Variants in CERS1 observed in about 807,000 individuals in gnomAD.
CERS1 encodes Embryonic growth/differentiation factor 1.
Under a neutral mutation model 35.7 loss-of-function variants are expected in CERS1, and 16 were observed. That is an observed-to-expected ratio of 0.45 (90% CI 0.30 to 0.68). The LOEUF (loss-of-function observed/expected upper bound fraction) is 0.68, where lower values mean the gene tolerates loss of function less well. Ranked by LOEUF, CERS1 falls within the 30% of genes least tolerant of loss-of-function variation. The probability of loss-of-function intolerance (pLI) is 0.08; values close to 1 mark genes in which losing one functional copy is unlikely to be tolerated. For synonymous variants in CERS1, 243 were observed against 201.6 expected (o/e 1.21, Z -1.74); for missense variants, 454 against 453.9 (o/e 1.00, Z 0.00).
In CERS1 at chr19:18,895,982, G is replaced by C. The variant is rs766057833; in HGVS notation, c.91C>G (p.Leu31Val). 3.8e-6 allele frequency: 4 copies of C among 1,048,130 alleles called. No homozygotes were observed. Among genetic ancestry groups the C allele is most frequent in the South Asian group, 3.5e-5 (1 of 28,968 alleles). The allele number at this position is 1,048,130 out of a possible 1,614,324, so 64.9% of individuals were successfully genotyped here. Reference protein sequence around the residue: ...QLVQRGWGSALAAARGCTDCG... With the variant: ...QLVQRGWGSAVAAARGCTDCG... ...TCCGTGCAGCCCCGCGCCGCCGCCA[G>C]CGCGCTGCCCCAGCCGCGCTGCACT... The change falls in exon 1 of 8, where the codon CTG (leucine) becomes GTG (valine). Residue 31 changes from leucine (L) to valine (V), a missense_variant. By Grantham distance (32) the Leu-to-Val change is conservative. Transcript: ENST00000623882. The surrounding 1 kb of genome is among the most constrained non-coding windows in gnomAD (Gnocchi z 6.4).
intron 6 of CERS1, among the ~76,000 whole-genome samples, chr19:18,872,194 C>A (rs1049841499): frequency 1.3e-5 from 2 of 152,244 alleles, no homozygotes; most frequent in African/African-American, 4.8e-5. Context: ...GGCTTTTTAT[C>A]AGAGCTTTCC....
chr19:18,869,615 G>T (rs1346877527), intron 7 of CERS1, among the ~76,000 whole-genome samples: 1 of 150,160 alleles, frequency 6.7e-6, no homozygotes, highest in African/African-American at 2.5e-5. Flanking sequence ...TCGGCGGGGG[G>T]CATAGGAGGA....
At chr19:18,871,315 C>T (rs2055966668) in intron 6 of CERS1, among the ~76,000 whole-genome samples, 1 of 151,506 alleles carries the variant, frequency 6.6e-6, no homozygotes, top group Non-Finnish European at 1.5e-5. Context: ...GAACCTCTGC[C>T]TCCTGAGTTC....
intron 2 of CERS1, among the ~76,000 whole-genome samples, chr19:18,891,267 C>G (rs2056484067): frequency 6.6e-6 from 1 of 152,236 alleles, no homozygotes; most frequent in Admixed American, 6.5e-5. Flanking sequence ...CCACTGTACA[C>G]TCTGGGCTCC....
Position 18,870,020 on chromosome 19 carries a change from C to G in CERS1, c.*557G>C, listed in dbSNP as rs1231850531. On this transcript the variant is annotated 3_prime_UTR_variant, in exon 7 of 8. Transcript: ENST00000623882. The surrounding 1 kb of genome is among the most constrained non-coding windows in gnomAD (Gnocchi z 5.1). ...TGTGGCGCACGATGTTTCCGGCGAC[C>G]CCCAGCTCCTCCACGTGGCACGGTT... 1.3e-6 allele frequency: 2 copies of G among 1,597,484 alleles called. No homozygotes were observed. Among genetic ancestry groups the G allele is most frequent in the African/African-American group, 2.7e-5 (2 of 74,756 alleles).
Position 18,870,780 on chromosome 19 carries a change from C to T in CERS1, c.1011-161G>A, listed in dbSNP as rs1349025232. ...TCCTCCTCGCCTTCACCCTGCCCCT[C>T]CTTGCCTTCACCCTGCCCCTCCTTC... On this transcript the variant is annotated intron_variant, in intron 6 of 7. Coordinates refer to ENST00000623882, the MANE Select transcript of CERS1 (RefSeq NM_021267.5). The surrounding 1 kb of genome is among the most constrained non-coding windows in gnomAD (Gnocchi z 5.1). Among the ~76,000 whole-genome samples the T allele has an allele frequency of 6.6e-6, 1 of 152,066 alleles. No individual in the cohort carries two copies. The highest frequency in any genetic ancestry group is 1.5e-5 in the Non-Finnish European group (1 of 67,964).
At chr19:18,896,485 G>C (rs1207141426), upstream of CERS1, 2 of 152,514 alleles carry the variant, frequency 1.3e-5, no homozygotes, top group African/African-American at 4.8e-5. The surrounding 1 kb of genome is among the most constrained non-coding windows in gnomAD (Gnocchi z 5.9). Flanking sequence ...CCCTCGACTG[G>C]CGACCCCCGC....
At chr19:18,874,531 G>A (rs958051898) in intron 6 of CERS1, among the ~76,000 whole-genome samples, 12 of 152,208 alleles carry the variant, frequency 7.9e-5, no homozygotes, top group Non-Finnish European at 1.2e-4. Context: ...TGGGATTTAC[G>A]GAGCATTGAG....
At chr19:18,876,088 G>A (rs569865114) in intron 6 of CERS1, among the ~76,000 whole-genome samples, 1 of 152,136 alleles carries the variant, frequency 6.6e-6, no homozygotes, top group East Asian at 1.9e-4. Context: ...GAGTTCAAGC[G>A]ATTCTCCTGC....
rs755528875 is a variant in CERS1 at position 18,893,518 on chromosome 19, C to A, written c.307G>T (p.Ala103Ser). 6.2e-7 allele frequency: 1 copy of A among 1,610,546 alleles called. No homozygotes were observed. The highest frequency in any genetic ancestry group is 1.1e-5 in the South Asian group (1 of 90,270). ...CCCAGGTAGAAGAGAAACTTCCAAG[C>A]GCTCTCGGGCATCTTGGCGGCATCT... ...PRDAAKMPES[A>S]WKFLFYLGSW... Residue 103 changes from alanine to serine, a missense_variant, in exon 2 of 8, where the codon GCT (alanine) becomes TCT (serine). Physicochemically the swap from Ala to Ser is moderately conservative, Grantham distance 99 (BLOSUM62 1). Transcript: ENST00000623882.
In CERS1 at chr19:18,884,224, G is replaced by A; in HGVS notation, c.453C>T (p.Ala151=). Residue 151 remains alanine, a synonymous_variant, in exon 3 of 8, where the codon GCC becomes GCT. Coordinates refer to ENST00000623882, the MANE Select transcript of CERS1 (RefSeq NM_021267.5). ...CATAGAAGCTTCCCTGGAGCAGGTA[G>A]GCGGCTGCAATGTCCCGTGGCACTG... ...GMAVPRDIAA[A]YLLQGSFYGH... is the part of the protein sequence containing the mutation. 1 of 1,613,520 alleles carries A rather than the reference G, an allele frequency of 6.2e-7. No homozygotes were observed. Among genetic ancestry groups the A allele is most frequent in the South Asian group, 1.1e-5 (1 of 91,044 alleles).
intron 6 of CERS1, among the ~76,000 whole-genome samples, chr19:18,874,075 G>C (rs775572613): frequency 7.9e-5 from 12 of 152,266 alleles, no homozygotes; most frequent in South Asian, 6.2e-4. Context: ...GGGTTGAAAT[G>C]TCCTTGAATA....
intron 2 of CERS1, among the ~76,000 whole-genome samples, chr19:18,888,889 C>CTGTTT (rs1555706335): frequency 2.4e-5 from 3 of 122,926 alleles, no homozygotes; most frequent in Non-Finnish European, 5.2e-5. Context: ...TTCTTTCTTT[C>CTGTTT]TTTTTTTTTT....
intron 2 of CERS1, among the ~76,000 whole-genome samples, chr19:18,886,922 T>C (rs2056376044): frequency 6.6e-6 from 1 of 152,128 alleles, no homozygotes; most frequent in South Asian, 2.1e-4. Flanking sequence ...CAGCGATCCC[T>C]GGCCCCCATG....
In CERS1 at chr19:18,870,743, C is replaced by T. The variant is rs181482387; in HGVS notation, c.1011-124G>A. 4.1e-3 allele frequency: 1,816 copies of T among 446,874 alleles called. 43 individuals carry two copies. The highest frequency in any genetic ancestry group is 0.034 in the African/African-American group (1,671 of 48,884). 27.7% of individuals were successfully genotyped at this position (446,874 alleles called of 1,614,324 possible). On this transcript the variant is annotated intron_variant, in intron 6 of 7. Transcript: ENST00000623882. The surrounding 1 kb of genome is among the most constrained non-coding windows in gnomAD (Gnocchi z 5.1). ...CTTTTACCCGGCCAGGCCCGGGCCTCGCCTTGTGGCTTCCTCCTCGCCTTC... is the reference window on the plus strand; with the variant it reads ...CTTTTACCCGGCCAGGCCCGGGCCTTGCCTTGTGGCTTCCTCCTCGCCTTC...
chr19:18,890,310 T>C lies in CERS1; in HGVS notation c.409+3106A>G, dbSNP rs549492825. Among the ~76,000 whole-genome samples the C allele has an allele frequency of 8.7e-4, 132 of 152,334 alleles. No individual in the cohort carries two copies. The South Asian group carries it at 0.026, about 30-fold the overall frequency. On this transcript the variant is annotated intron_variant, in intron 2 of 7. Transcript: ENST00000623882. ...ACACAAGTTTTCTCATCCACACTTATTGCTGTTGATAGACTGCGTACTGCA... is the reference window on the plus strand; with the variant it reads ...ACACAAGTTTTCTCATCCACACTTACTGCTGTTGATAGACTGCGTACTGCA...
chr19:18,892,812 ACCCCCTTTCCTGT>A (rs757564243), intron 2 of CERS1, among the ~76,000 whole-genome samples: 54 of 151,616 alleles, frequency 3.6e-4, no homozygotes, highest in Non-Finnish European at 4.3e-4. Flanking sequence ...ACGGCCAGAT[ACCCCCTTTCCTGT>A]CCCCAGGGAT....
chr19:18,869,475 A>G, intron 7 of CERS1, 85 bp from the exon 8 acceptor site: 1 of 1,472,194 alleles, frequency 6.8e-7, no homozygotes, highest in Non-Finnish European at 9.0e-7. Context: ...GAGGAAGGTG[A>G]ACGCTGGGGC....
Position 18,869,973 on chromosome 19 carries a change from C to T in CERS1, c.*594+10G>A. 6.3e-7 allele frequency: 1 copy of T among 1,578,406 alleles called. No individual in the cohort carries two copies. The highest frequency in any genetic ancestry group is 8.6e-7 in the Non-Finnish European group (1 of 1,164,012). The stretch of plus-strand genomic sequence containing the variant: ...CCAGGACCAGTGTCCCCAGCGAAAG[C>T]CCCACTCACCGCGGTCCGGGATGTG... On this transcript the variant is annotated intron_variant, in intron 7 of 7. Coordinates refer to ENST00000623882, the MANE Select transcript of CERS1 (RefSeq NM_021267.5).
Sources: gnomAD v4.1 joint callset for allele counts (sites outside exome capture counted in the v4.1 genomes callset) on GRCh38, gnomAD v4.1.1 for gene constraint, Gnocchi (gnomAD v3.1) non-coding constraint, MANE v1.5 for transcripts, NCBI Gene and HGNC (gene_info 2026-07-23, HGNC 2026-07-21) for gene names.